DACH2: variants seen among roughly 807,000 people sequenced by gnomAD.
DACH2 encodes the protein dachshund family transcription factor 2.
Under a neutral mutation model 35.8 loss-of-function variants are expected in DACH2, and 17 were observed. That is an observed-to-expected ratio of 0.48 (90% CI 0.33 to 0.71). The LOEUF is 0.71. DACH2 is among the 30% of genes least tolerant of loss of function. The pLI is 0.02. For missense variants in DACH2, 469 were observed against 472.7 expected (o/e 0.99, Z 0.07); for synonymous variants, 195 against 177.3 (o/e 1.10, Z -0.79).
rs34700295 is a variant in DACH2 at position 86,802,528 on chromosome X, GAAAAAAAA to G, written c.1241-10312_1241-10305del. ...AAGAAGAGAAGTTTCTTTCTTGGTT[GAAAAAAAA>G]AAAAAAAAAAAAAAAGAAGACTGGA... On this transcript the variant is annotated intron_variant, in intron 7 of 11. Coordinates refer to ENST00000373125, the MANE Select transcript of DACH2 (RefSeq NM_053281.3). Among the ~76,000 whole-genome samples the G allele has an allele frequency of 6.3e-5, 4 of 63,142 alleles. No homozygotes were observed. In the East Asian group the frequency reaches 2.0e-3, roughly 31 times the overall value. The allele number at this position is 63,142 out of a possible 115,157, so 54.8% of individuals were successfully genotyped here. A position where few individuals can be genotyped will look rare whatever the true frequency, so the allele number is the denominator to read the frequency against.
chrX:86,640,860 A>G (rs1436793158), intron 3 of DACH2, among the ~76,000 whole-genome samples: 6 of 111,869 alleles, frequency 5.4e-5, no homozygotes, highest in Non-Finnish European at 1.1e-4. Flanking sequence ...ACATTTCCCC[A>G]TCTGAAACCA....
At chrX:86,742,658 A>G (rs769818880) in intron 7 of DACH2, 1 of 304,768 alleles carries the variant, frequency 3.3e-6, no homozygotes, top group South Asian at 3.1e-5. Context: ...ATGCCCAACA[A>G]TAGAGAGGAA....
intron 7 of DACH2, among the ~76,000 whole-genome samples, chrX:86,745,200 T>C (rs1169274259): frequency 1.8e-5 from 2 of 111,549 alleles, no homozygotes; most frequent in African/African-American, 3.3e-5. Context: ...CAGCTAATAG[T>C]TTTAACATCC....
intron 1 of DACH2, among the ~76,000 whole-genome samples, chrX:86,320,092 T>A (rs1428153767): frequency 3.6e-5 from 4 of 111,299 alleles, no homozygotes; most frequent in Non-Finnish European, 7.5e-5. Context: ...CAAAATGGGA[T>A]TTGTGGCAAC....
intron 3 of DACH2, among the ~76,000 whole-genome samples, chrX:86,646,968 A>C (rs2040423513): frequency 9.1e-6 from 1 of 109,977 alleles, no homozygotes; most frequent in Non-Finnish European, 1.9e-5. Flanking sequence ...TCAAAACCGT[A>C]ATGAGATATC....
At chrX:86,527,364 C>T (rs987055433) in intron 3 of DACH2, among the ~76,000 whole-genome samples, 8 of 111,506 alleles carry the variant, frequency 7.2e-5, no homozygotes, top group Non-Finnish European at 1.3e-4. Context: ...CCCTGTCTGT[C>T]TCCCAGGTAA....
chrX:86,644,421 A>G (rs1023748589), intron 3 of DACH2, among the ~76,000 whole-genome samples: 7 of 111,218 alleles, frequency 6.3e-5, no homozygotes, highest in Non-Finnish European at 1.3e-4. Context: ...TAAATCAGAG[A>G]AGACACAAAT....
intron 1 of DACH2, among the ~76,000 whole-genome samples, chrX:86,277,509 A>G (rs778491026): frequency 4.5e-5 from 5 of 111,981 alleles, no homozygotes; most frequent in Non-Finnish European, 1.9e-5. Flanking sequence ...TTTTAAGTTT[A>G]TTTTAGACTA....
intron 1 of DACH2, among the ~76,000 whole-genome samples, chrX:86,273,161 A>G (rs1485339469): frequency 1.8e-5 from 2 of 112,133 alleles, no homozygotes; most frequent in Non-Finnish European, 3.8e-5. Context: ...CCAGTTTTCT[A>G]TATGTACATT....
intron 1 of DACH2, among the ~76,000 whole-genome samples, chrX:86,216,437 C>G (rs1205571160): frequency 9.3e-6 from 1 of 107,545 alleles, no homozygotes; most frequent in Non-Finnish European, 1.9e-5. Context: ...TCAGCTCCCA[C>G]TTATGAGTAA....
chrX:86,516,950 A>G (rs1204280004), intron 3 of DACH2, among the ~76,000 whole-genome samples: 6 of 110,949 alleles, frequency 5.4e-5, no homozygotes, highest in Non-Finnish European at 9.4e-5. Context: ...TCTTTTTTCA[A>G]TCTGTTATTG....
intron 3 of DACH2, among the ~76,000 whole-genome samples, chrX:86,553,161 C>A (rs1320528162): frequency 9.0e-6 from 1 of 111,029 alleles, no homozygotes; most frequent in Non-Finnish European, 1.9e-5. Flanking sequence ...GTAGGGAAGC[C>A]GACGGTGCAG....
chrX:86,438,109 C>CA lies in DACH2; in HGVS notation c.527+61248dup, dbSNP rs2037097856. Among the ~76,000 whole-genome samples the CA allele has an allele frequency of 4.6e-5, 5 of 109,515 alleles. No individual in the cohort carries two copies. The South Asian group carries it at 2.0e-3, about 43-fold the overall frequency. On this transcript the variant is annotated intron_variant, in intron 2 of 11. Transcript: ENST00000373125. ...CCATATGTTCTTATCATTTAGCTCC[C>CA]ACTTACAAGTGAGAACATCTGGTAT...
intron 1 of DACH2, chrX:86,304,535 G>A (rs746062671): frequency 4.8e-5 from 7 of 146,959 alleles, no homozygotes; most frequent in Non-Finnish European, 7.1e-5. Context: ...ATTTCCTCCT[G>A]CAGTTCTTCC....
At chrX:86,572,909 A>G (rs1211207889) in intron 3 of DACH2, among the ~76,000 whole-genome samples, 2 of 111,377 alleles carry the variant, frequency 1.8e-5, no homozygotes, top group Non-Finnish European at 3.8e-5. Context: ...TCTGTGCCCC[A>G]TTACCAACTG....
intron 1 of DACH2, among the ~76,000 whole-genome samples, chrX:86,316,341 T>C (rs1343734465): frequency 9.1e-6 from 1 of 110,273 alleles, no homozygotes; most frequent in Non-Finnish European, 1.9e-5. Flanking sequence ...ATTGTATAAG[T>C]GTGAAGTTTG....
chrX:86,274,377 C>A (rs185623636), intron 1 of DACH2, among the ~76,000 whole-genome samples: 1 of 108,566 alleles, frequency 9.2e-6, no homozygotes, highest in Admixed American at 1.0e-4. Context: ...GATTTAGGGG[C>A]ATCATTTCTT....
intron 3 of DACH2, among the ~76,000 whole-genome samples, chrX:86,629,672 C>T (rs1344889264): frequency 1.8e-5 from 2 of 109,272 alleles, no homozygotes; most frequent in African/African-American, 6.7e-5. Context: ...CACTTGAGCT[C>T]AGAAGTTCAA....
intron 1 of DACH2, among the ~76,000 whole-genome samples, chrX:86,363,510 A>T: frequency 8.9e-6 from 1 of 111,782 alleles, no homozygotes; most frequent in East Asian, 2.8e-4. Flanking sequence ...TAATTATAAC[A>T]ATTTAACAGT....
Sources: gnomAD v4.1 joint callset for allele counts (sites outside exome capture counted in the v4.1 genomes callset) on GRCh38, gnomAD v4.1.1 for gene constraint, MANE v1.5 for transcripts, NCBI Gene and HGNC (gene_info 2026-07-23, HGNC 2026-07-21) for gene names.